B9D1: variants seen among roughly 807,000 people sequenced by gnomAD.
The protein encoded by B9D1 is B9 domain-containing protein 1.
In B9D1, 20 loss-of-function variants were observed where a neutral mutation model predicts 26.1. That is an observed-to-expected ratio of 0.77 (90% CI 0.54 to 1.12). The LOEUF is 1.12. Among genes scored for constraint, B9D1 ranks in the 50% most tolerant of loss-of-function variants. The pLI is 0.00. For missense variants in B9D1, 260 were observed against 273.7 expected, an observed-to-expected ratio of 0.95 and a Z score of 0.35; for synonymous variants, 105 against 103.1, an observed-to-expected ratio of 1.02 and a Z score of -0.11.
chr17:19,360,817 C>A (rs183463149), intron 1 of B9D1, among the ~76,000 whole-genome samples: 20 of 152,276 alleles, frequency 1.3e-4, no homozygotes, highest in Admixed American at 1.3e-3. Context: ...AGATTTAATG[C>A]CTTTCTGTGT....
chr17:19,336,153 TC>T (rs1205426771), downstream of B9D1: 2 of 152,278 alleles, frequency 1.3e-5, no homozygotes, highest in African/African-American at 4.8e-5. Flanking sequence ...TGTCTAGAGT[TC>T]CTGACCAGCC....
Position 19,343,344 on chromosome 17 carries a change from C to T in B9D1, c.590G>A (p.Ser197Asn). 1.2e-6 allele frequency: 2 copies of T among 1,614,160 alleles called. No individual in the cohort carries two copies. Among genetic ancestry groups the T allele is most frequent in the Non-Finnish European group, 8.5e-7 (1 of 1,180,018 alleles). The change falls in exon 7 of 7, where the codon AGC becomes AAC. Residue 197 changes from serine (S) to asparagine (N), a missense_variant. Physicochemically the swap from Ser to Asn is conservative, Grantham distance 46. Transcript: ENST00000261499. ...TCACTGGGGGAAGCTCTGGGGTGGG[C>T]TGGGCCCCAACACACCCTGTGTATC... ...PSDTQGVLGP[S>N]PPQSFPQ
chr17:19,348,504 T>A (rs1909164657), intron 3 of B9D1, among the ~76,000 whole-genome samples: 1 of 152,212 alleles, frequency 6.6e-6, no homozygotes, highest in Non-Finnish European at 1.5e-5. Flanking sequence ...CAGCCACGAC[T>A]GAGGCAAGTT....
chr17:19,342,835 T>C (rs1908126866), downstream of B9D1, among the ~76,000 whole-genome samples: 1 of 152,094 alleles, frequency 6.6e-6, no homozygotes, highest in African/African-American at 2.4e-5. Context: ...AATAACAGGG[T>C]TCTGTCCTTG....
intron 1 of B9D1, among the ~76,000 whole-genome samples, chr17:19,360,858 A>G (rs188825403): frequency 6.6e-5 from 10 of 152,310 alleles, no homozygotes; most frequent in Admixed American, 2.6e-4. Flanking sequence ...CTGGGCACAG[A>G]TAAGGTCTAA....
intron 3 of B9D1, among the ~76,000 whole-genome samples, chr17:19,352,655 G>A (rs928587266): frequency 2.0e-5 from 3 of 151,670 alleles, no homozygotes; most frequent in Non-Finnish European, 2.9e-5. Flanking sequence ...CCGAGTAGCT[G>A]GAATTACAGG....
At position 19,357,473 on chromosome 17, in the gene B9D1, T is replaced by A. The variant is rs74609523; in HGVS notation, c.244+367A>T. On this transcript the variant is annotated intron_variant, in intron 3 of 6. Transcript: ENST00000261499. ...AGCACAGGAGGAGAAAGTGCCAGGGTCTAGCCGGAACACAACACGCCATGG... is the reference window on the plus strand; with the variant it reads ...AGCACAGGAGGAGAAAGTGCCAGGGACTAGCCGGAACACAACACGCCATGG... 2,460 of 354,312 alleles carry A rather than the reference T, an allele frequency of 6.9e-3. 116 individuals carry two copies. In the East Asian group the frequency reaches 0.11, roughly 16 times the overall value. 21.9% of individuals were successfully genotyped at this position (354,312 alleles called of 1,614,324 possible).
At chr17:19,365,963 C>T (rs1465777030), upstream of B9D1, among the ~76,000 whole-genome samples, 2 of 151,630 alleles carry the variant, frequency 1.3e-5, no homozygotes, top group East Asian at 1.9e-4. The surrounding 1 kb of genome is among the most constrained non-coding windows in gnomAD (Gnocchi z 5.0). Context: ...TCCTGGTTTG[C>T]ACATGCTGTT....
chr17:19,336,966 C>T (rs1448845578), downstream of B9D1, among the ~76,000 whole-genome samples: 1 of 152,210 alleles, frequency 6.6e-6, no homozygotes, highest in Non-Finnish European at 1.5e-5. Flanking sequence ...GAAGTGCTAG[C>T]CACTGCCCTT....
At position 19,343,762 on chromosome 17, in the gene B9D1, G is replaced by A. The variant is rs4924987; in HGVS notation, c.472+28C>T. The A allele has an allele frequency of 0.72, 1,158,236 of 1,613,886 alleles. 453,330 individuals are homozygous for A. The highest frequency in any genetic ancestry group is 0.81 in the Non-Finnish European group (959,448 of 1,179,914). ...CCAGGCTGTAACCTGTATGGGGGAT[G>A]GGGGTAAGAGAGGGGAGGGAGCTTT... On this transcript the variant is annotated intron_variant, in intron 6 of 6. Coordinates refer to ENST00000261499, the MANE Select transcript of B9D1 (RefSeq NM_015681.6).
chr17:19,362,594 A>T lies in B9D1; in HGVS notation c.-25T>A. 6.3e-7 allele frequency: 1 copy of T among 1,582,730 alleles called. No homozygotes were observed. The highest frequency in any genetic ancestry group is 8.6e-7 in the Non-Finnish European group (1 of 1,164,194). On this transcript the variant is annotated 5_prime_UTR_variant, in exon 1 of 7. Coordinates refer to ENST00000261499, the MANE Select transcript of B9D1 (RefSeq NM_015681.6). ...TGGCAGGTCTGGGGGTGCCGGGGGGACCCACCTAGGCCGCGCGCGGTTGCT... is the reference window on the plus strand; with the variant it reads ...TGGCAGGTCTGGGGGTGCCGGGGGGTCCCACCTAGGCCGCGCGCGGTTGCT...
chr17:19,377,657 G>T, intron 1 of B9D1: 1 of 178,504 alleles, frequency 5.6e-6, no homozygotes, highest in Non-Finnish European at 1.1e-5. Flanking sequence ...TAGAGGGGCG[G>T]TGCTCCATAA....
intron 2 of B9D1, among the ~76,000 whole-genome samples, chr17:19,358,350 C>G (rs1298282386): frequency 6.6e-6 from 1 of 152,192 alleles, no homozygotes; most frequent in East Asian, 1.9e-4. Flanking sequence ...TCTTTCAACT[C>G]TGCGGCTTCT....
downstream of B9D1, chr17:19,341,043 G>A (rs1300953455): frequency 1.0e-5 from 10 of 959,060 alleles, no homozygotes; most frequent in East Asian, 3.5e-4. Flanking sequence ...AAATCTAGGT[G>A]GTGGGTATGT....
chr17:19,335,407 A>G, downstream of B9D1: 1 of 1,550,084 alleles, frequency 6.5e-7, no homozygotes, highest in Non-Finnish European at 8.7e-7. Context: ...TATTAAAGGC[A>G]TGCAGGGATT....
rs1598057600 is a variant in B9D1, at chr17:19,347,714, G to C, written c.341+70C>G. On this transcript the variant is annotated intron_variant, in intron 4 of 6. Coordinates refer to ENST00000261499, the MANE Select transcript of B9D1 (RefSeq NM_015681.6). The surrounding 1 kb of genome is among the most constrained non-coding windows in gnomAD (Gnocchi z 4.3). ...CAGAGCATTCCCAGCCTGAACCTAAGACAGAAAACGAGGTGAAGTCTGTCC... is the reference window on the plus strand; with the variant it reads ...CAGAGCATTCCCAGCCTGAACCTAACACAGAAAACGAGGTGAAGTCTGTCC... The C allele has an allele frequency of 2.0e-6, 3 of 1,478,836 alleles. No homozygotes were observed. In the East Asian group the frequency reaches 6.9e-5, roughly 34 times the overall value. 91.6% of individuals were successfully genotyped at this position (1,478,836 alleles called of 1,614,324 possible). A position where few individuals can be genotyped will look rare whatever the true frequency, so the allele number is the denominator to read the frequency against.
In B9D1 at chr17:19,362,721, T is replaced by G. The variant is rs755124247; in HGVS notation, c.-152A>C. On this transcript the variant is annotated 5_prime_UTR_variant, in exon 1 of 7. It removes an upstream start codon present in the reference 5' UTR. Coordinates refer to ENST00000261499, the MANE Select transcript of B9D1 (RefSeq NM_015681.6). ...AGGCCACGCGAGTGCGCGTGTGGCA[T>G]GCGCAGGCGCAGTGAACGGGCGCCG... 3.5e-5 allele frequency: 50 copies of G among 1,419,500 alleles called. No homozygotes were observed. In the Admixed American group the frequency reaches 4.2e-4, roughly 12 times the overall value. 87.9% of individuals were successfully genotyped at this position (1,419,500 alleles called of 1,614,324 possible).
At chr17:19,362,934 C>A, upstream of B9D1, 1 of 379,116 alleles carries the variant, frequency 2.6e-6, no homozygotes, top group Non-Finnish European at 5.1e-6. Flanking sequence ...CCGTCCCCGC[C>A]GAAGCGCAGA....
At chr17:19,360,544 C>T (rs887616422) in intron 1 of B9D1, among the ~76,000 whole-genome samples, 156 bp from the exon 2 acceptor site, 1 of 152,178 alleles carries the variant, frequency 6.6e-6, no homozygotes, top group African/African-American at 2.4e-5. Flanking sequence ...GGCTGAGGAC[C>T]AAGAAGCGGG....
Sources: allele counts gnomAD v4.1 joint callset (sites outside exome capture counted in the v4.1 genomes callset), GRCh38; gene constraint gnomAD v4.1.1; non-coding constraint Gnocchi (gnomAD v3.1); transcripts MANE v1.5; gene names NCBI Gene and HGNC (gene_info 2026-07-23, HGNC 2026-07-21).